The following UGT1A3 variants were observed in gnomAD, a reference collection of about 807,000 sequenced individuals.
UGT1A3 encodes UDP glucuronosyltransferase family 1 member A3, also known as UDP-glucuronosyltransferase 1A3.
UGT1A3 carries 31 observed loss-of-function variants against 41.0 expected under a neutral mutation model. The observed-to-expected ratio is 0.76, with a 90% CI of 0.57 to 1.02. UGT1A3 has a LOEUF of 1.02. UGT1A3 is among the 50% of genes least tolerant of loss of function. The pLI is 0.00. For synonymous variants in UGT1A3, 262 were observed against 257.6 expected (o/e 1.02, Z -0.17); for missense variants, 737 against 671.0 (o/e 1.10, Z -1.09).
intron 4 of UGT1A3, among the ~76,000 whole-genome samples, chr2:233,771,773 T>C (rs1700376889): frequency 6.6e-6 from 1 of 152,072 alleles, no homozygotes; most frequent in Non-Finnish European, 1.5e-5. Context: ...CGTCCCTCTC[T>C]CCTTTCCTCT....
intron 4 of UGT1A3, chr2:233,771,016 A>C (rs1281561140): frequency 2.0e-5 from 3 of 152,186 alleles, no homozygotes; most frequent in African/African-American, 7.2e-5. Flanking sequence ...AGCAGGAGCG[A>C]GAGAGAGTTG....
intron 1 of UGT1A3, among the ~76,000 whole-genome samples, chr2:233,758,520 T>A (rs1404036248): frequency 1.3e-5 from 2 of 152,094 alleles, no homozygotes; most frequent in African/African-American, 4.8e-5. Context: ...CAACAAAGAG[T>A]GAAAGCATTG....
In UGT1A3 at chr2:233,745,466, G is replaced by A. The variant is rs190513469; in HGVS notation, c.867+15473G>A. On this transcript the variant is annotated intron_variant, in intron 1 of 4. Transcript: ENST00000482026. ...AGTAAAGGTCACTCAGTTCTAAGGG[G>A]AAAATGATTAACCAAAGAACATTCT... Among the ~76,000 whole-genome samples, 657 of 151,722 alleles carry A rather than the reference G, an allele frequency of 4.3e-3. 15 individuals carry two copies. Among genetic ancestry groups the A allele is most frequent in the Non-Finnish European group, 5.8e-3 (396 of 68,008 alleles).
intron 3 of UGT1A3, 28 bp downstream of exon 3, chr2:233,767,964 T>C: frequency 6.2e-7 from 1 of 1,614,138 alleles, no homozygotes; most frequent in Non-Finnish European, 8.5e-7. Context: ...GATGTATAGG[T>C]CAAACCAGGG....
chr2:233,761,292 A>G, intron 1 of UGT1A3: 4 of 1,528,102 alleles, frequency 2.6e-6, no homozygotes, highest in Middle Eastern at 1.9e-4. Flanking sequence ...TTTGACTCCT[A>G]GGTTTGAGTC....
chr2:233,766,514 T>C (rs1164692574), intron 1 of UGT1A3, among the ~76,000 whole-genome samples: 2 of 152,060 alleles, frequency 1.3e-5, no homozygotes, highest in South Asian at 2.1e-4. Flanking sequence ...TTTTGGGAAA[T>C]GAAACATTTA....
intron 1 of UGT1A3, among the ~76,000 whole-genome samples, chr2:233,738,670 T>G (rs377285735): frequency 6.6e-6 from 1 of 152,186 alleles, no homozygotes; most frequent in African/African-American, 2.4e-5. Flanking sequence ...TTGAGAGAGA[T>G]GATCTGAAAT....
chr2:233,765,190 A>G (rs186057259), intron 1 of UGT1A3, among the ~76,000 whole-genome samples: 22 of 152,308 alleles, frequency 1.4e-4, no homozygotes, highest in Admixed American at 5.2e-4. Flanking sequence ...ACATCACACA[A>G]TCATATTAGT....
intron 1 of UGT1A3, among the ~76,000 whole-genome samples, chr2:233,736,004 C>T (rs1319353542): frequency 6.6e-6 from 1 of 152,188 alleles, no homozygotes; most frequent in Non-Finnish European, 1.5e-5. Context: ...TTGTTCTTCT[C>T]GAGGAGTATC....
At chr2:233,732,625 G>A (rs1018274304) in intron 1 of UGT1A3, among the ~76,000 whole-genome samples, 1 of 152,154 alleles carries the variant, frequency 6.6e-6, no homozygotes, top group African/African-American at 2.4e-5. Context: ...TAGATGTGTG[G>A]TGTTATTTCT....
chr2:233,735,687 T>A (rs1251778606), intron 1 of UGT1A3, among the ~76,000 whole-genome samples: 1 of 152,148 alleles, frequency 6.6e-6, no homozygotes, highest in Non-Finnish European at 1.5e-5. Context: ...CTTTAGGAGC[T>A]CTTGTAAGGC....
chr2:233,740,484 TC>T (rs1034882349), intron 1 of UGT1A3, among the ~76,000 whole-genome samples: 1 of 151,900 alleles, frequency 6.6e-6, no homozygotes, highest in African/African-American at 2.4e-5. Flanking sequence ...CATTCCCTCT[TC>T]CAGATGCTTT....
In UGT1A3 at chr2:233,755,391, C is replaced by G. The variant is rs115647781; in HGVS notation, c.868-11643C>G. 7.3e-3 allele frequency: 2,499 copies of G among 343,022 alleles called. 14 individuals carry two copies. The highest frequency in any genetic ancestry group is 0.01 in the Non-Finnish European group (1,783 of 176,380). 21.2% of individuals were successfully genotyped at this position (343,022 alleles called of 1,614,324 possible). A position where few individuals can be genotyped will look rare whatever the true frequency, so the allele number is the denominator to read the frequency against. On this transcript the variant is annotated intron_variant, in intron 1 of 4. Coordinates refer to ENST00000482026, the MANE Select transcript of UGT1A3 (RefSeq NM_019093.4). ...TGGAGGGCCGCCCCTTATGACGCAGCCACATCTCATTGGCCGAGGCCTGTG... is the reference window on the plus strand; with the variant it reads ...TGGAGGGCCGCCCCTTATGACGCAGGCACATCTCATTGGCCGAGGCCTGTG...
chr2:233,747,267 C>T (rs1178293466), intron 1 of UGT1A3: 115 of 1,599,414 alleles, frequency 7.2e-5, no homozygotes, highest in Non-Finnish European at 9.0e-5. Flanking sequence ...GAGTGCTACT[C>T]CTTCTCAGTG....
intron 1 of UGT1A3, among the ~76,000 whole-genome samples, chr2:233,747,015 G>T (rs911515983): frequency 6.6e-6 from 1 of 151,822 alleles, no homozygotes; most frequent in Non-Finnish European, 1.5e-5. Context: ...AGGAGTGATC[G>T]GTCTTTCCCG....
chr2:233,757,535 AAT>A (rs67292694), intron 1 of UGT1A3, among the ~76,000 whole-genome samples: 3,097 of 88,180 alleles, frequency 0.035, 322 homozygotes, highest in African/African-American at 0.14. Context: ...GCCTGTAAGG[AAT>A]ATATATATAT....
intron 1 of UGT1A3, chr2:233,755,184 T>C: frequency 8.4e-7 from 1 of 1,195,602 alleles, no homozygotes. Context: ...GGGGTGCCAC[T>C]TGAGCGCCAG....
chr2:233,744,013 C>G, intron 1 of UGT1A3: 1 of 1,057,576 alleles, frequency 9.5e-7, no homozygotes. Flanking sequence ...ACCTGGGCCG[C>G]CTGGAGAGAC....
rs1377408060 is a variant in UGT1A3, at chr2:233,769,430, CTCA to C, written c.1307+993_1307+995del. Reference sequence around the variant, plus strand: ...GTGTGCGTTTGTGCATGTGGCTGTGCTCATGTGTGGGTGCACACGTGTGCATTC... The same window carrying C: ...GTGTGCGTTTGTGCATGTGGCTGTGCTGTGTGGGTGCACACGTGTGCATTC... On this transcript the variant is annotated intron_variant, in intron 4 of 4. Transcript: ENST00000482026. This position sits in a 1 kb window ranked among gnomAD's most constrained non-coding sequence, Gnocchi z 4.4. 42 of 1,537,292 alleles carry C rather than the reference CTCA, an allele frequency of 2.7e-5. No homozygotes were observed. The highest frequency in any genetic ancestry group is 3.7e-5 in the Non-Finnish European group (41 of 1,118,590).
Sources: allele counts gnomAD v4.1 joint callset (sites outside exome capture counted in the v4.1 genomes callset), GRCh38; gene constraint gnomAD v4.1.1; non-coding constraint Gnocchi (gnomAD v3.1); transcripts MANE v1.5; gene names NCBI Gene and HGNC (gene_info 2026-07-23, HGNC 2026-07-21).